The following SLC2A13 variants were observed in gnomAD, a reference collection of about 807,000 sequenced individuals.
SLC2A13 encodes the protein solute carrier family 2 member 13.
In SLC2A13, 32 loss-of-function variants were observed where a neutral mutation model predicts 64.4. The ratio of observed to expected loss-of-function variants is 0.50; its 90% confidence interval spans 0.37 to 0.67. The LOEUF (loss-of-function observed/expected upper bound fraction) is 0.67, where lower values mean the gene tolerates loss of function less well. Among genes scored for constraint, SLC2A13 ranks in the 30% least tolerant of loss-of-function variants. The pLI is 0.00. For synonymous variants in SLC2A13, 338 were observed against 327.1 expected, an observed-to-expected ratio of 1.03 and a Z score of -0.36; for missense variants, 743 against 829.2, an observed-to-expected ratio of 0.90 and a Z score of 1.28.
chr12:40,072,502 T>C (rs1304995982), intron 1 of SLC2A13, among the ~76,000 whole-genome samples: 4 of 152,118 alleles, frequency 2.6e-5, no homozygotes, highest in African/African-American at 7.2e-5. Flanking sequence ...TCTCCAACTA[T>C]AATAGTGATT....
At position 39,940,750 on chromosome 12, in the gene SLC2A13, T is replaced by A. The variant is rs1289874701; in HGVS notation, c.1034+10507A>T. Among the ~76,000 whole-genome samples the A allele has an allele frequency of 2.0e-5, 3 of 152,124 alleles. No homozygotes were observed. In the East Asian group the frequency reaches 5.8e-4, roughly 29 times the overall value. ...TTTCTATACATTATTGGGGTACAGG[T>A]GGTATTTGGCTACATGAGTAACTTC... On this transcript the variant is annotated intron_variant, in intron 4 of 9. Transcript: ENST00000280871.
chr12:39,783,511 C>T (rs4385961), intron 7 of SLC2A13, among the ~76,000 whole-genome samples: 148,050 of 152,244 alleles, frequency 0.97, 71,990 homozygotes, highest in East Asian at 1. Flanking sequence ...TTCCTATTAC[C>T]CCACATCCTC....
intron 7 of SLC2A13, among the ~76,000 whole-genome samples, chr12:39,775,450 A>G (rs962046111): frequency 6.6e-6 from 1 of 152,228 alleles, no homozygotes; most frequent in African/African-American, 2.4e-5. Context: ...GTCATTGTGA[A>G]GTTAACAGGC....
rs572918441 is a variant in SLC2A13, at chr12:39,789,699, C to T, written c.1446-24841G>A. 4.6e-5 allele frequency among the ~76,000 whole-genome samples: 7 copies of T among 152,238 alleles called. No homozygotes were observed. In the South Asian group the frequency reaches 1.5e-3, roughly 32 times the overall value. ...AAGACAGAGAACTCTATACTACAAC[C>T]TAGCCAACATTTCTTTTTTAAGTAT... On this transcript the variant is annotated intron_variant, in intron 7 of 9. Coordinates refer to ENST00000280871, the MANE Select transcript of SLC2A13 (RefSeq NM_052885.4).
At chr12:39,946,647 G>A (rs1946139947) in intron 4 of SLC2A13, among the ~76,000 whole-genome samples, 1 of 152,156 alleles carries the variant, frequency 6.6e-6, no homozygotes, top group Non-Finnish European at 1.5e-5. Flanking sequence ...GTGGGTGAAA[G>A]CTGGCAGTCA....
At chr12:39,785,075 G>C (rs950053324) in intron 7 of SLC2A13, among the ~76,000 whole-genome samples, 2 of 152,138 alleles carry the variant, frequency 1.3e-5, no homozygotes, top group Non-Finnish European at 1.5e-5. Flanking sequence ...AATTCAAGCC[G>C]GCTGCAGAAA....
chr12:39,805,514 GT>G (rs10714045), intron 7 of SLC2A13, among the ~76,000 whole-genome samples: 115,445 of 149,194 alleles, frequency 0.77, 44,723 homozygotes, highest in Non-Finnish European at 0.8. Flanking sequence ...GCCTCTGTTG[GT>G]TTTTTTTTTT....
intron 3 of SLC2A13, among the ~76,000 whole-genome samples, chr12:40,007,953 C>T (rs933850754): frequency 7.2e-5 from 11 of 152,060 alleles, no homozygotes; most frequent in Non-Finnish European, 1.3e-4. Context: ...ATGGGTTTTA[C>T]GGGAAAACCC....
chr12:39,983,854 A>G lies in SLC2A13; in HGVS notation c.926-32489T>C, dbSNP rs1212223146. On this transcript the variant is annotated intron_variant, in intron 3 of 9. Transcript: ENST00000280871. ...GTATATACCCAAATGACTATAAATC[A>G]TGCTGCTATAAAGACACATGCACAC... Among the ~76,000 whole-genome samples, 19 of 141,800 alleles carry G rather than the reference A, an allele frequency of 1.3e-4. No individual in the cohort carries two copies. In the Admixed American group the frequency reaches 1.4e-3, roughly 10 times the overall value. 93.0% of individuals were successfully genotyped at this position (141,800 alleles called of 152,430 possible).
Position 39,877,003 on chromosome 12 carries a change from T to C in SLC2A13, c.1035-5042A>G, listed in dbSNP as rs370944061. Among the ~76,000 whole-genome samples, 19 of 152,298 alleles carry C rather than the reference T, an allele frequency of 1.2e-4. No individual in the cohort carries two copies. The East Asian group carries it at 2.1e-3, about 17-fold the overall frequency. ...CTCTTTTAGTTCCTAGTGCTATAAA[T>C]ATATATATTTTTTGGTACCATATGC... On this transcript the variant is annotated intron_variant, in intron 4 of 9. Coordinates refer to ENST00000280871, the MANE Select transcript of SLC2A13 (RefSeq NM_052885.4).
chr12:40,062,187 C>T lies in SLC2A13; in HGVS notation c.557-13977G>A, dbSNP rs548615916. Among the ~76,000 whole-genome samples the T allele has an allele frequency of 3.3e-5, 5 of 152,066 alleles. 1 individual carries two copies. In the South Asian group the frequency reaches 8.3e-4, roughly 25 times the overall value. On this transcript the variant is annotated intron_variant, in intron 1 of 9. Coordinates refer to ENST00000280871, the MANE Select transcript of SLC2A13 (RefSeq NM_052885.4). ...AAATTGATGTGTTAAAAAATACATA[C>T]CAAAAATAAGCTTATTAAGTTTTTA... is the stretch of plus-strand genomic sequence containing the variant.
At chr12:40,077,669 T>C (rs920795611) in intron 1 of SLC2A13, among the ~76,000 whole-genome samples, 1 of 152,182 alleles carries the variant, frequency 6.6e-6, no homozygotes. Context: ...TTTAGAATAG[T>C]TTTTTCTAAT....
intron 7 of SLC2A13, among the ~76,000 whole-genome samples, chr12:39,794,532 G>A (rs1022594579): frequency 2.6e-5 from 4 of 152,132 alleles, no homozygotes; most frequent in Non-Finnish European, 4.4e-5. Flanking sequence ...TCAGCCAATC[G>A]CAGTAGCCAA....
At chr12:39,793,389 A>T (rs1941472470) in intron 7 of SLC2A13, among the ~76,000 whole-genome samples, 2 of 152,160 alleles carry the variant, frequency 1.3e-5, no homozygotes, top group Non-Finnish European at 2.9e-5. Flanking sequence ...AAAGACATCA[A>T]TTCATCCCAA....
intron 4 of SLC2A13, among the ~76,000 whole-genome samples, chr12:39,945,072 C>T (rs184358469): frequency 2.0e-4 from 31 of 152,272 alleles, no homozygotes; most frequent in Middle Eastern, 3.4e-3. Flanking sequence ...CAAATTCTCT[C>T]AGCATTTGTT....
At chr12:40,084,519 G>C (rs1471089214) in intron 1 of SLC2A13, among the ~76,000 whole-genome samples, 1 of 152,166 alleles carries the variant, frequency 6.6e-6, no homozygotes, top group African/African-American at 2.4e-5. Flanking sequence ...ACCTAAGTCA[G>C]GTCACTGGAA....
chr12:40,001,487 A>AT (rs1475346322), intron 3 of SLC2A13, among the ~76,000 whole-genome samples: 3 of 152,158 alleles, frequency 2.0e-5, no homozygotes, highest in Non-Finnish European at 4.4e-5. Context: ...ATTCTTAAAT[A>AT]TTTTTTCATT....
At chr12:40,015,018 C>A (rs1947600545) in intron 3 of SLC2A13, among the ~76,000 whole-genome samples, 1 of 152,090 alleles carries the variant, frequency 6.6e-6, no homozygotes, top group African/African-American at 2.4e-5. Context: ...TCTATTCCTG[C>A]TGGTATAATT....
chr12:39,830,809 A>G (rs1470623396), intron 6 of SLC2A13, among the ~76,000 whole-genome samples: 1 of 152,204 alleles, frequency 6.6e-6, no homozygotes, highest in African/African-American at 2.4e-5. Flanking sequence ...GCTTTCAGCA[A>G]AGATATACTG....
Sources: allele counts gnomAD v4.1 joint callset (sites outside exome capture counted in the v4.1 genomes callset), GRCh38; gene constraint gnomAD v4.1.1; transcripts MANE v1.5; gene names NCBI Gene and HGNC (gene_info 2026-07-23, HGNC 2026-07-21).